The following PFDN1 variants were observed in gnomAD, a reference collection of about 807,000 sequenced individuals.
PFDN1 encodes the protein prefoldin subunit 1.
A neutral mutation model predicts 17.3 loss-of-function variants in PFDN1; 6 were observed. The ratio of observed to expected loss-of-function variants is 0.35; its 90% confidence interval spans 0.19 to 0.69. The LOEUF is 0.69. Among genes scored for constraint, PFDN1 ranks in the 30% least tolerant of loss-of-function variants. The pLI is 0.65. For missense variants in PFDN1, 113 were observed against 146.2 expected, an observed-to-expected ratio of 0.77 and a Z score of 1.17; for synonymous variants, 58 against 50.1, an observed-to-expected ratio of 1.16 and a Z score of -0.67.
intron 3 of PFDN1, among the ~76,000 whole-genome samples, chr5:140,253,058 A>G (rs1413460566): frequency 6.6e-6 from 1 of 152,368 alleles, no homozygotes; most frequent in African/African-American, 2.4e-5. Flanking sequence ...GAGACAAATC[A>G]AAGAAAGATA....
chr5:140,247,382 C>T (rs538243191), intron 3 of PFDN1, among the ~76,000 whole-genome samples: 103 of 152,144 alleles, frequency 6.8e-4, no homozygotes, highest in Admixed American at 1.4e-3. Context: ...CCAAGCGATC[C>T]TCCCTCCTCG....
chr5:140,269,406 T>A (rs560036115), intron 3 of PFDN1, among the ~76,000 whole-genome samples: 5 of 151,404 alleles, frequency 3.3e-5, no homozygotes, highest in Non-Finnish European at 7.4e-5. Context: ...GCAACCTCCA[T>A]CTCCCGGGTT....
intron 3 of PFDN1, among the ~76,000 whole-genome samples, chr5:140,257,567 G>A (rs1373802784): frequency 6.6e-6 from 1 of 152,174 alleles, no homozygotes; most frequent in East Asian, 1.9e-4. Flanking sequence ...AAGGTCTCCA[G>A]TAACTCTCTA....
chr5:140,258,500 T>C (rs926695846), intron 3 of PFDN1, among the ~76,000 whole-genome samples: 12 of 150,974 alleles, frequency 7.9e-5, no homozygotes, highest in Non-Finnish European at 1.6e-4. Context: ...CGCGTGAATG[T>C]TGGAAACCTA....
chr5:140,285,482 T>A (rs1056981007), intron 2 of PFDN1, among the ~76,000 whole-genome samples: 7 of 152,076 alleles, frequency 4.6e-5, no homozygotes, highest in African/African-American at 1.7e-4. Flanking sequence ...TTTTTTAAAA[T>A]TTTTTTAAAT....
intron 3 of PFDN1, among the ~76,000 whole-genome samples, chr5:140,260,609 G>A (rs1765051537): frequency 6.7e-6 from 1 of 149,528 alleles, no homozygotes; most frequent in Non-Finnish European, 1.5e-5. Context: ...CATACTAGAT[G>A]ATCCATTTAT....
At chr5:140,280,892 C>T (rs1765387672) in intron 3 of PFDN1, 1 of 152,056 alleles carries the variant, frequency 6.6e-6, no homozygotes, top group East Asian at 1.9e-4. Context: ...GATTTGCTTA[C>T]TGTTACCTAT....
intron 1 of PFDN1, among the ~76,000 whole-genome samples, chr5:140,301,295 A>C (rs1456222804): frequency 6.6e-6 from 1 of 152,248 alleles, no homozygotes. Flanking sequence ...GAAAAAATGC[A>C]AAGCACTGGC....
intron 3 of PFDN1, among the ~76,000 whole-genome samples, chr5:140,272,879 AC>A (rs948098429): frequency 3.9e-5 from 6 of 152,202 alleles, no homozygotes; most frequent in Admixed American, 3.3e-4. Flanking sequence ...CTTAAATGCT[AC>A]ATTTCAATAA....
chr5:140,299,610 A>T (rs1318643581), intron 2 of PFDN1, among the ~76,000 whole-genome samples: 1 of 151,982 alleles, frequency 6.6e-6, no homozygotes, highest in African/African-American at 2.4e-5. Flanking sequence ...AAAAAAAAAA[A>T]ATGTACTTTA....
At chr5:140,299,674 T>A (rs898888185) in intron 2 of PFDN1, among the ~76,000 whole-genome samples, 1 of 152,052 alleles carries the variant, frequency 6.6e-6, no homozygotes, top group African/African-American at 2.4e-5. Flanking sequence ...CTCCTCATTT[T>A]AAAAAAAGAA....
At chr5:140,270,691 C>T (rs761130918) in intron 3 of PFDN1, among the ~76,000 whole-genome samples, 8 of 152,014 alleles carry the variant, frequency 5.3e-5, no homozygotes, top group Non-Finnish European at 1.0e-4. Context: ...TTTGGGAGGC[C>T]GAGGCGGGCG....
chr5:140,256,658 C>CAAAAAAAAAAAAAAGAAAAA, intron 3 of PFDN1, among the ~76,000 whole-genome samples: 1 of 39,892 alleles, frequency 2.5e-5, no homozygotes, highest in Non-Finnish European at 5.0e-5. Flanking sequence ...CAAAAAATGA[C>CAAAAAAAAAAAAAAGAAAAA]AAAAAAAAAA....
chr5:140,267,247 T>G (rs1241278524), intron 3 of PFDN1, among the ~76,000 whole-genome samples: 4 of 152,244 alleles, frequency 2.6e-5, no homozygotes, highest in Non-Finnish European at 4.4e-5. Flanking sequence ...AACACTGAGT[T>G]AGGGGAGAAT....
chr5:140,287,627 T>C (rs953663585), intron 2 of PFDN1, among the ~76,000 whole-genome samples: 14 of 151,652 alleles, frequency 9.2e-5, no homozygotes, highest in African/African-American at 3.2e-4. Flanking sequence ...GGAAGTACAG[T>C]AAAAACAAAA....
intron 3 of PFDN1, among the ~76,000 whole-genome samples, chr5:140,258,875 G>A (rs921402686): frequency 1.3e-5 from 2 of 152,200 alleles, no homozygotes; most frequent in Admixed American, 1.3e-4. Flanking sequence ...TGGAGTTCAT[G>A]GAAGAAATCT....
intron 3 of PFDN1, among the ~76,000 whole-genome samples, chr5:140,267,836 C>A (rs1203407001): frequency 6.6e-6 from 1 of 151,920 alleles, no homozygotes; most frequent in Admixed American, 6.6e-5. Flanking sequence ...AGAGTTTGAG[C>A]CTTTAGAGTT....
intron 2 of PFDN1, among the ~76,000 whole-genome samples, chr5:140,284,923 G>C (rs1418097547): frequency 6.6e-6 from 1 of 152,144 alleles, no homozygotes; most frequent in Admixed American, 6.6e-5. Flanking sequence ...TTTCGGTTTT[G>C]ATTATTTGAG....
At chr5:140,276,675 T>A (rs2126689626) in intron 3 of PFDN1, among the ~76,000 whole-genome samples, 1 of 148,734 alleles carries the variant, frequency 6.7e-6, no homozygotes, top group African/African-American at 2.5e-5. Flanking sequence ...AGAAGGGATC[T>A]CCTGCTGAGG....
Sources: allele counts gnomAD v4.1 joint callset (sites outside exome capture counted in the v4.1 genomes callset), GRCh38; gene constraint gnomAD v4.1.1; transcripts MANE v1.5; gene names NCBI Gene and HGNC (gene_info 2026-07-23, HGNC 2026-07-21).